The following CNTN4 variants were observed in gnomAD, a reference collection of about 807,000 sequenced individuals.
The protein encoded by CNTN4 is contactin 4, also known as contactin-4.
In CNTN4, 77 loss-of-function variants were observed where a neutral mutation model predicts 122.5. The observed-to-expected ratio is 0.63, with a 90% CI of 0.52 to 0.76. CNTN4 has a LOEUF of 0.76. CNTN4 is among the 30% of genes least tolerant of loss of function. CNTN4 has a pLI of 0.00. For missense variants in CNTN4, 1,256 were observed against 1,259.1 expected (o/e 1.00, Z 0.04); for synonymous variants, 512 against 447.0 (o/e 1.15, Z -1.83).
At chr3:2,968,724 T>G (rs1002462083) in intron 13 of CNTN4, among the ~76,000 whole-genome samples, 3 of 152,188 alleles carry the variant, frequency 2.0e-5, no homozygotes, top group South Asian at 2.1e-4. Flanking sequence ...AAAAGGACTA[T>G]ATTGCATGAG....
At chr3:2,790,931 G>T (rs1173538228) in intron 6 of CNTN4, among the ~76,000 whole-genome samples, 1 of 152,118 alleles carries the variant, frequency 6.6e-6, no homozygotes, top group Non-Finnish European at 1.5e-5. Flanking sequence ...TTTAGATAAG[G>T]TTCAAATGAG....
chr3:2,170,372 G>T (rs918601017), intron 2 of CNTN4, among the ~76,000 whole-genome samples: 2 of 151,974 alleles, frequency 1.3e-5, no homozygotes, highest in Admixed American at 6.6e-5. Context: ...ATTCACAGAA[G>T]AAAGAAATAC....
At chr3:2,866,611 C>T (rs1352145313) in intron 7 of CNTN4, 141 bp from the exon 8 acceptor site, 1 of 1,117,914 alleles carries the variant, frequency 8.9e-7, no homozygotes, top group Admixed American at 2.0e-5. Flanking sequence ...ACTGTGATTA[C>T]TTCCTATCTG....
intron 23 of CNTN4, among the ~76,000 whole-genome samples, chr3:3,045,279 T>C (rs756055092): frequency 6.6e-6 from 1 of 152,142 alleles, no homozygotes; most frequent in African/African-American, 2.4e-5. Context: ...TTGAAGAGAA[T>C]AGTGTTTCCC....
intron 8 of CNTN4, among the ~76,000 whole-genome samples, chr3:2,869,560 G>A (rs750457169): frequency 6.6e-6 from 1 of 152,132 alleles, no homozygotes. Flanking sequence ...AACATTATTT[G>A]TAAAACCAAA....
chr3:2,899,025 T>C (rs923090822), intron 10 of CNTN4, among the ~76,000 whole-genome samples: 1 of 152,222 alleles, frequency 6.6e-6, no homozygotes, highest in Non-Finnish European at 1.5e-5. Flanking sequence ...CTAAATTTTT[T>C]TGAAGTTGAC....
chr3:2,651,944 T>A (rs1201031983), intron 4 of CNTN4, among the ~76,000 whole-genome samples: 2 of 151,716 alleles, frequency 1.3e-5, no homozygotes, highest in African/African-American at 4.8e-5. Context: ...TGACCTCAGG[T>A]GATCCACCCG....
chr3:2,350,577 A>G (rs781174009), intron 3 of CNTN4, among the ~76,000 whole-genome samples: 1 of 134,880 alleles, frequency 7.4e-6, no homozygotes, highest in African/African-American at 2.6e-5. Context: ...AAAGAAAAAA[A>G]TAGAGTAGAA....
intron 3 of CNTN4, among the ~76,000 whole-genome samples, chr3:2,341,444 A>G (rs576193614): frequency 6.6e-6 from 1 of 152,350 alleles, no homozygotes; most frequent in East Asian, 1.9e-4. Flanking sequence ...GATGTCTTCC[A>G]TAACTATCCA....
chr3:2,558,230 C>T (rs1559233146), intron 3 of CNTN4, among the ~76,000 whole-genome samples: 1 of 152,140 alleles, frequency 6.6e-6, no homozygotes, highest in Admixed American at 6.5e-5. Flanking sequence ...ATCACCAAAC[C>T]AGAAAACTGA....
intron 13 of CNTN4, among the ~76,000 whole-genome samples, chr3:2,978,658 A>G (rs7609576): frequency 0.44 from 66,795 of 152,064 alleles, 17,228 homozygotes; most frequent in African/African-American, 0.74. Context: ...TATTAATGAC[A>G]GGCTCGCTGA....
At chr3:2,388,757 A>G (rs1206949779) in intron 3 of CNTN4, among the ~76,000 whole-genome samples, 1 of 152,124 alleles carries the variant, frequency 6.6e-6, no homozygotes, top group Non-Finnish European at 1.5e-5. Context: ...AGGCAGGAGA[A>G]TCGCTTCAAC....
At chr3:2,315,106 G>A (rs1286094789) in intron 2 of CNTN4, among the ~76,000 whole-genome samples, 2 of 151,984 alleles carry the variant, frequency 1.3e-5, no homozygotes, top group East Asian at 1.9e-4. Context: ...GAGCTTTATT[G>A]GAAATGTATA....
chr3:2,461,341 A>G (rs2049199916), intron 3 of CNTN4, among the ~76,000 whole-genome samples: 1 of 151,864 alleles, frequency 6.6e-6, no homozygotes, highest in Non-Finnish European at 1.5e-5. Flanking sequence ...ATTATTAATT[A>G]TTAATTAATT....
chr3:2,882,908 G>T, intron 8 of CNTN4: 2 of 449,016 alleles, frequency 4.5e-6, no homozygotes, highest in East Asian at 4.5e-5. Context: ...AAAGTTGTAT[G>T]CATGGAGAAT....
At chr3:2,352,861 T>A (rs890740119) in intron 3 of CNTN4, among the ~76,000 whole-genome samples, 1 of 152,120 alleles carries the variant, frequency 6.6e-6, no homozygotes, top group Non-Finnish European at 1.5e-5. Flanking sequence ...GGAGAACTTT[T>A]ATGTCTAGCT....
chr3:2,361,985 G>T (rs1322576262), intron 3 of CNTN4, among the ~76,000 whole-genome samples: 1 of 152,190 alleles, frequency 6.6e-6, no homozygotes, highest in East Asian at 1.9e-4. Flanking sequence ...CTGAGTTGGA[G>T]GGGTCTAGGA....
intron 2 of CNTN4, among the ~76,000 whole-genome samples, chr3:2,118,855 G>A (rs1335046827): frequency 6.6e-6 from 1 of 152,166 alleles, no homozygotes. Flanking sequence ...TTTGCATCTT[G>A]TTATGACATT....
intron 17 of CNTN4, among the ~76,000 whole-genome samples, chr3:3,035,305 CAA>C (rs1255595358): frequency 9.3e-5 from 6 of 64,480 alleles, no homozygotes; most frequent in Non-Finnish European, 9.6e-5. Context: ...GACTCCGTCT[CAA>C]AAAAAAAAAA....
Sources: allele counts gnomAD v4.1 joint callset (sites outside exome capture counted in the v4.1 genomes callset), GRCh38; gene constraint gnomAD v4.1.1; transcripts MANE v1.5; gene names NCBI Gene and HGNC (gene_info 2026-07-23, HGNC 2026-07-21).